Variants in NUP88 observed in about 807,000 individuals in gnomAD.
NUP88 encodes the protein nuclear pore complex protein Nup88.
A neutral mutation model predicts 93.9 loss-of-function variants in NUP88; 57 were observed. The observed-to-expected ratio is 0.61, with a 90% confidence interval of 0.49 to 0.76. The LOEUF (loss-of-function observed/expected upper bound fraction) is 0.76. NUP88 is among the 30% of genes least tolerant of loss of function. The pLI, the probability that NUP88 is intolerant of heterozygous loss-of-function variation, is 0.00. For synonymous variants in NUP88, 346 were observed against 336.8 expected (o/e 1.03, Z -0.30); for missense variants, 911 against 901.0 (o/e 1.01, Z -0.14).
intron 10 of NUP88, 90 bp downstream of exon 10, chr17:5,391,471 T>C: frequency 1.0e-6 from 1 of 980,146 alleles, no homozygotes. Flanking sequence ...CACACATGTA[T>C]AGCTTCAAGT....
chr17:5,400,930 C>A (rs1404420086), intron 7 of NUP88, among the ~76,000 whole-genome samples: 1 of 152,118 alleles, frequency 6.6e-6, no homozygotes, highest in African/African-American at 2.4e-5. Flanking sequence ...AGTTGTTATA[C>A]AATTTTAATT....
intron 2 of NUP88, among the ~76,000 whole-genome samples, chr17:5,416,188 T>TACACACACAC (rs149950508): frequency 0.015 from 1,861 of 125,748 alleles, 19 homozygotes; most frequent in Middle Eastern, 0.031. Context: ...TATACACACA[T>TACACACACAC]ACACACACAC....
intron 5 of NUP88, among the ~76,000 whole-genome samples, chr17:5,408,156 G>C (rs916099266): frequency 1.3e-5 from 2 of 152,182 alleles, no homozygotes; most frequent in African/African-American, 4.8e-5. Context: ...ACTTGCACTT[G>C]CTTATTTTCA....
In NUP88 at chr17:5,386,192, A is replaced by C; in HGVS notation, c.*14T>G. The C allele has an allele frequency of 6.2e-7, 1 of 1,607,460 alleles. No individual in the cohort carries two copies. Among genetic ancestry groups the C allele is most frequent in the East Asian group, 2.2e-5 (1 of 44,776 alleles). ...ATGGTGTTCAGTTCAGGTGTGAGTC[A>C]GCTCCTGGTGGTGTCAGAAGTTTAC... On this transcript the variant is annotated 3_prime_UTR_variant, in exon 17 of 17. Coordinates refer to ENST00000573584, the MANE Select transcript of NUP88 (RefSeq NM_002532.6).
In NUP88 at chr17:5,414,026, T is replaced by A. The variant is rs901943936; in HGVS notation, c.576A>T (p.Thr192=). 6.2e-7 allele frequency: 1 copy of A among 1,613,742 alleles called. No homozygotes were observed. Among genetic ancestry groups the A allele is most frequent in the Non-Finnish European group, 8.5e-7 (1 of 1,179,808 alleles). The change falls in exon 3 of 17, where the codon ACA becomes ACT. Residue 192 remains threonine, a synonymous_variant. Transcript: ENST00000573584. ...EILDPHVVLL[T]SDNVIRIYSL... The stretch of plus-strand genomic sequence containing the variant: ...AAATTTACCTGATTACGTTGTCTGA[T>A]GTTAACAGCACTACGTGGGGATCCA...
intron 5 of NUP88, among the ~76,000 whole-genome samples, chr17:5,406,083 T>C (rs1913471743): frequency 6.6e-6 from 1 of 152,212 alleles, no homozygotes; most frequent in African/African-American, 2.4e-5. Flanking sequence ...TCCCAGTGAA[T>C]GATGGTTTAG....
chr17:5,410,835 C>T lies in NUP88; in HGVS notation c.594-46G>A, dbSNP rs528405069. On this transcript the variant is annotated intron_variant, in intron 3 of 16. Transcript: ENST00000573584. ...AAACCAGCACTTAAAATTCTGTTTT[C>T]ATTTCCCAAAACTGCACTTTCCTCT... The T allele has an allele frequency of 2.2e-4, 287 of 1,285,610 alleles. 4 individuals are homozygous for T. The South Asian group carries it at 3.3e-3, about 15-fold the overall frequency. The allele number at this position is 1,285,610 out of a possible 1,614,324, so 79.6% of individuals were successfully genotyped here.
intron 4 of NUP88, among the ~76,000 whole-genome samples, chr17:5,410,258 A>G (rs886809176): frequency 2.0e-5 from 3 of 152,236 alleles, no homozygotes; most frequent in Non-Finnish European, 2.9e-5. Flanking sequence ...TTACATGTAT[A>G]TCAAGAAGGC....
intron 4 of NUP88, 110 bp from the exon 5 acceptor site, chr17:5,409,019 G>A (rs934266036): frequency 1.1e-6 from 1 of 882,232 alleles, no homozygotes; most frequent in Non-Finnish European, 1.7e-6. Flanking sequence ...AGGTGGGTAT[G>A]TATGGAATTT....
In NUP88 at chr17:5,405,102, C is replaced by T. The variant is rs1393179525; in HGVS notation, c.999G>A (p.Leu333=). The T allele has an allele frequency of 1.2e-6, 2 of 1,614,030 alleles. No individual in the cohort carries two copies. Among genetic ancestry groups the T allele is most frequent in the Non-Finnish European group, 1.7e-6 (2 of 1,180,026 alleles). Residue 333 remains leucine (L), a synonymous_variant, in exon 6 of 17, where the codon CTG becomes CTA. Coordinates refer to ENST00000573584, the MANE Select transcript of NUP88 (RefSeq NM_002532.6). ...CCCCTTCTAGCACGACACAGTGATA[C>T]AGCATTCCTGATTCAGTAGCGATCA... ...ILVIATESGM[L]YHCVVLEGEE...
At chr17:5,409,530 C>G (rs1358819747) in intron 4 of NUP88, among the ~76,000 whole-genome samples, 1 of 151,844 alleles carries the variant, frequency 6.6e-6, no homozygotes, top group Non-Finnish European at 1.5e-5. Flanking sequence ...AAAAAGGAAA[C>G]AGGAAAACAC....
intron 2 of NUP88, among the ~76,000 whole-genome samples, chr17:5,416,060 G>A (rs912428133): frequency 9.9e-5 from 12 of 121,410 alleles, no homozygotes; most frequent in South Asian, 3.6e-4. Flanking sequence ...CAGAAGAATC[G>A]CTTGAATCCA....
Position 5,395,425 on chromosome 17 carries a change from G to A in NUP88, c.1292-444C>T, listed in dbSNP as rs538130964. Reference sequence around the variant, plus strand: ...AAATGCTCCAATGAGCATTTCTGTTGTCATGACAGCACTCAAAAACTTTTG... The same window carrying A: ...AAATGCTCCAATGAGCATTTCTGTTATCATGACAGCACTCAAAAACTTTTG... On this transcript the variant is annotated intron_variant, in intron 8 of 16. Transcript: ENST00000573584. Among the ~76,000 whole-genome samples the A allele has an allele frequency of 2.0e-5, 3 of 152,038 alleles. No individual in the cohort carries two copies. The East Asian group carries it at 5.8e-4, about 29-fold the overall frequency.
intron 8 of NUP88, among the ~76,000 whole-genome samples, chr17:5,399,189 C>T (rs1304104398): frequency 1.6e-5 from 2 of 123,018 alleles, no homozygotes; most frequent in Non-Finnish European, 3.3e-5. Flanking sequence ...CCGCACCCGG[C>T]CTTTTTTTTT....
chr17:5,396,852 G>C (rs948616928), intron 8 of NUP88, among the ~76,000 whole-genome samples: 2 of 152,074 alleles, frequency 1.3e-5, no homozygotes, highest in African/African-American at 4.8e-5. Context: ...CCTCATTGTG[G>C]TTTTGTGGTA....
intron 3 of NUP88, among the ~76,000 whole-genome samples, chr17:5,412,934 C>T (rs990459770): frequency 6.6e-5 from 10 of 151,988 alleles, no homozygotes; most frequent in South Asian, 6.2e-4. Flanking sequence ...AAGAGCAGAC[C>T]GCACACTCTC....
chr17:5,391,707 A>G lies in NUP88; in HGVS notation c.1383-45T>C, dbSNP rs745506291. 4.0e-6 allele frequency: 6 copies of G among 1,517,858 alleles called. No homozygotes were observed. In the East Asian group the frequency reaches 6.8e-5, roughly 17 times the overall value. 94.0% of individuals were successfully genotyped at this position (1,517,858 alleles called of 1,614,324 possible). On this transcript the variant is annotated intron_variant, in intron 9 of 16. Transcript: ENST00000573584. ...GTTAAATTACAAAGCAGCAAATGCA[A>G]TGGAACCAAGAGCAAAGACATGACA...
intron 8 of NUP88, among the ~76,000 whole-genome samples, chr17:5,397,433 G>A (rs746697432): frequency 6.6e-6 from 1 of 152,074 alleles, no homozygotes; most frequent in South Asian, 2.1e-4. Context: ...AAGTGAAACA[G>A]AGTGATACAA....
intron 6 of NUP88, 80 bp downstream of exon 6, chr17:5,404,977 T>C (rs1913408201): frequency 1.7e-6 from 2 of 1,184,900 alleles, no homozygotes; most frequent in Admixed American, 2.9e-5. Flanking sequence ...AAATTCCTTC[T>C]CATATATTAA....
Sources: gnomAD v4.1 joint callset for allele counts (sites outside exome capture counted in the v4.1 genomes callset) on GRCh38, gnomAD v4.1.1 for gene constraint, MANE v1.5 for transcripts, NCBI Gene and HGNC (gene_info 2026-07-23, HGNC 2026-07-21) for gene names.